Variants in SPECC1 observed in about 807,000 individuals in gnomAD.
SPECC1 encodes the protein cytospin-B.
A neutral mutation model predicts 104.1 loss-of-function variants in SPECC1; 62 were observed. The observed-to-expected ratio is 0.60, with a 90% CI of 0.49 to 0.74. The LOEUF is 0.74. Ranked by LOEUF, SPECC1 falls within the 30% of genes least tolerant of loss-of-function variation. The pLI is 0.00. For missense variants in SPECC1, 1,306 were observed against 1,310.5 expected, an observed-to-expected ratio of 1.00 and a Z score of 0.05; for synonymous variants, 513 against 501.6, an observed-to-expected ratio of 1.02 and a Z score of -0.30.
At position 20,137,111 on chromosome 17, in the gene SPECC1, G is replaced by A. The variant is rs187769900; in HGVS notation, c.283+26549G>A. On this transcript the variant is annotated intron_variant, in intron 3 of 14. Coordinates refer to ENST00000395527, the MANE Select transcript of SPECC1 (RefSeq NM_001243439.2). ...GGGCTAGCTTTTCAGACTGCTTTCC[G>A]AGATTTCTGCCCACTCCTGTTTGGC... Among the ~76,000 whole-genome samples, 694 of 152,350 alleles carry A rather than the reference G, an allele frequency of 4.6e-3. 3 individuals are homozygous for A. The highest frequency in any genetic ancestry group is 7.8e-3 in the Non-Finnish European group (533 of 68,036).
chr17:20,117,151 G>A (rs1404941366), intron 3 of SPECC1, among the ~76,000 whole-genome samples: 3 of 151,950 alleles, frequency 2.0e-5, no homozygotes, highest in Non-Finnish European at 4.4e-5. Context: ...TTCATATCAC[G>A]GTGGATAATT....
At position 20,245,892 on chromosome 17, in the gene SPECC1, A is replaced by G. The variant is rs768472961; in HGVS notation, c.2352-34A>G. The G allele has an allele frequency of 8.7e-6, 14 of 1,609,866 alleles. No individual in the cohort carries two copies. In the South Asian group the frequency reaches 1.1e-4, roughly 13 times the overall value. On this transcript the variant is annotated intron_variant, in intron 7 of 14. Transcript: ENST00000395527. ...TTTTTCTCCCATGGGGATGTCCTCC[A>G]TCTTTTCAATCTGATTTGCTCTTTG... is the stretch of plus-strand genomic sequence containing the variant.
At chr17:20,206,006 C>T in intron 4 of SPECC1, 94 bp downstream of exon 4, 1 of 1,474,992 alleles carries the variant, frequency 6.8e-7, no homozygotes. Context: ...GAAGCATTTG[C>T]TTAGTCTGTT....
At chr17:20,189,533 G>A (rs549718844) in intron 3 of SPECC1, among the ~76,000 whole-genome samples, 309 of 152,288 alleles carry the variant, frequency 2.0e-3, no homozygotes, top group Middle Eastern at 6.8e-3. Context: ...CCTGCTAGAA[G>A]CTAGTCAGAC....
At chr17:20,201,057 A>G (rs761852298) in intron 3 of SPECC1, among the ~76,000 whole-genome samples, 1 of 152,160 alleles carries the variant, frequency 6.6e-6, no homozygotes, top group African/African-American at 2.4e-5. Flanking sequence ...ACAGACTGCA[A>G]TTTGGCAGCA....
At chr17:20,145,455 C>T (rs1183124499) in intron 3 of SPECC1, among the ~76,000 whole-genome samples, 2 of 152,174 alleles carry the variant, frequency 1.3e-5, no homozygotes, top group African/African-American at 4.8e-5. Context: ...GGTCGACCAC[C>T]CTGATTGTGC....
At chr17:20,114,913 T>C (rs1481572745) in intron 3 of SPECC1, among the ~76,000 whole-genome samples, 2 of 152,194 alleles carry the variant, frequency 1.3e-5, no homozygotes, top group Admixed American at 1.3e-4. Flanking sequence ...TATTGAGAGA[T>C]TATCTATTTT....
chr17:20,118,218 G>T (rs997501588), intron 3 of SPECC1, among the ~76,000 whole-genome samples: 1 of 152,138 alleles, frequency 6.6e-6, no homozygotes, highest in Non-Finnish European at 1.5e-5. Context: ...GTGTCATTAA[G>T]GGTGTAAAGA....
At chr17:20,029,992 A>C (rs1207510104) in intron 1 of SPECC1, among the ~76,000 whole-genome samples, 8 of 152,168 alleles carry the variant, frequency 5.3e-5, no homozygotes, top group African/African-American at 1.9e-4. Flanking sequence ...ACTGAGAACC[A>C]CTGGAAGCTG....
At chr17:20,306,186 G>C (rs150056126) in intron 14 of SPECC1, 104 bp downstream of exon 14, 1 of 1,096,182 alleles carries the variant, frequency 9.1e-7, no homozygotes, top group Non-Finnish European at 1.4e-6. Flanking sequence ...TCTGTTTGCC[G>C]AAAGTCTGTT....
At position 20,239,246 on chromosome 17, in the gene SPECC1, G is replaced by A. The variant is rs1435137184; in HGVS notation, c.2352-6680G>A. On this transcript the variant is annotated intron_variant, in intron 7 of 14. Coordinates refer to ENST00000395527, the MANE Select transcript of SPECC1 (RefSeq NM_001243439.2). The stretch of plus-strand genomic sequence containing the variant: ...TATTGGATTTTTTCTTAATTATGAA[G>A]TATTATTTAGGTATACTAATAACAA... 3 of 1,013,958 alleles carry A rather than the reference G, an allele frequency of 3.0e-6. No individual in the cohort carries two copies. The South Asian group carries it at 1.4e-4, about 47-fold the overall frequency. 62.8% of individuals were successfully genotyped at this position (1,013,958 alleles called of 1,614,324 possible). A position where few individuals can be genotyped will look rare whatever the true frequency, so the allele number is the denominator to read the frequency against.
At chr17:20,125,254 G>GA (rs1286444495) in intron 3 of SPECC1, among the ~76,000 whole-genome samples, 1 of 152,192 alleles carries the variant, frequency 6.6e-6, no homozygotes, top group Non-Finnish European at 1.5e-5. Context: ...TACTGGAAGT[G>GA]AAAAGCAGAA....
intron 13 of SPECC1, among the ~76,000 whole-genome samples, chr17:20,303,907 C>T (rs907355688): frequency 6.6e-6 from 1 of 151,674 alleles, no homozygotes; most frequent in East Asian, 1.9e-4. Context: ...GAGCCGAGAT[C>T]GTGCCACTGC....
chr17:20,012,517 T>A (rs2043978904), intron 1 of SPECC1, among the ~76,000 whole-genome samples: 1 of 149,620 alleles, frequency 6.7e-6, no homozygotes, highest in African/African-American at 2.5e-5. Context: ...GCCATCTTAT[T>A]TAATTTTTTT....
At position 20,269,520 on chromosome 17, in the gene SPECC1, G is replaced by A. The variant is rs181578325; in HGVS notation, c.2940+9226G>A. Among the ~76,000 whole-genome samples the A allele has an allele frequency of 7.6e-3, 1,157 of 152,260 alleles. 17 individuals carry two copies. The highest frequency in any genetic ancestry group is 0.027 in the African/African-American group (1,101 of 41,542). On this transcript the variant is annotated intron_variant, in intron 12 of 14. Coordinates refer to ENST00000395527, the MANE Select transcript of SPECC1 (RefSeq NM_001243439.2). ...GGCTCACCACAACCTCCGCTCCCGG[G>A]TTCAAGATTCTCCTGCCTCAGTCTC...
chr17:20,259,709 G>T (rs142559522), intron 11 of SPECC1, among the ~76,000 whole-genome samples: 242 of 151,962 alleles, frequency 1.6e-3, no homozygotes, highest in African/African-American at 5.6e-3. Context: ...ATGGGGTCTC[G>T]CTATGTTGCC....
At chr17:20,033,007 C>G (rs540319730) in intron 1 of SPECC1, among the ~76,000 whole-genome samples, 199 of 151,498 alleles carry the variant, frequency 1.3e-3, no homozygotes, top group African/African-American at 4.6e-3. Flanking sequence ...CTTTGTTGCC[C>G]AGGCTGGAGT....
intron 3 of SPECC1, among the ~76,000 whole-genome samples, chr17:20,178,038 G>A (rs144751572): frequency 1.7e-3 from 249 of 148,446 alleles, no homozygotes; most frequent in African/African-American, 5.8e-3. Context: ...TATTTTTGAG[G>A]CAGGGTCTGT....
rs78952345 is a variant in SPECC1, at chr17:20,260,966, A to G, written c.2940+672A>G. On this transcript the variant is annotated intron_variant, in intron 12 of 14. Transcript: ENST00000395527. Reference sequence around the variant, plus strand: ...CTTCCCTGAGATGAGGACATTTGCAACTTTGGTTGGATATGTTGGATTTCC... The same window carrying G: ...CTTCCCTGAGATGAGGACATTTGCAGCTTTGGTTGGATATGTTGGATTTCC... Among the ~76,000 whole-genome samples, 697 of 152,294 alleles carry G rather than the reference A, an allele frequency of 4.6e-3. 4 individuals are homozygous for G. The highest frequency in any genetic ancestry group is 0.016 in the African/African-American group (662 of 41,550).
Sources: gnomAD v4.1 joint callset for allele counts (sites outside exome capture counted in the v4.1 genomes callset) on GRCh38, gnomAD v4.1.1 for gene constraint, MANE v1.5 for transcripts, NCBI Gene and HGNC (gene_info 2026-07-23, HGNC 2026-07-21) for gene names.